Variants in GRIP1 observed in about 807,000 individuals in gnomAD.
GRIP1 encodes glutamate receptor-interacting protein 1.
Under a neutral mutation model 129.9 loss-of-function variants are expected in GRIP1, and 45 were observed. The ratio of observed to expected loss-of-function variants is 0.35; its 90% CI spans 0.27 to 0.44. The LOEUF (loss-of-function observed/expected upper bound fraction) is 0.44, where lower values mean the gene tolerates loss of function less well. GRIP1 is among the 20% of genes least tolerant of loss of function. The probability of loss-of-function intolerance (pLI) is 1.00; values close to 1 mark genes in which losing one functional copy is unlikely to be tolerated. For synonymous variants in GRIP1, 530 were observed against 520.8 expected (o/e 1.02, Z -0.24); for missense variants, 1,196 against 1,396.8 (o/e 0.86, Z 2.29).
intron 1 of GRIP1, among the ~76,000 whole-genome samples, chr12:66,812,684 T>C (rs988362972): frequency 2.0e-5 from 3 of 152,218 alleles, no homozygotes; most frequent in African/African-American, 4.8e-5. Context: ...CTCTAAGGAT[T>C]CATTTTTTTG....
At chr12:66,518,688 G>A (rs983139741) in intron 5 of GRIP1, among the ~76,000 whole-genome samples, 4 of 152,056 alleles carry the variant, frequency 2.6e-5, no homozygotes, top group Admixed American at 6.6e-5. Context: ...AAATGCACGC[G>A]TGCTGGCCTA....
intron 1 of GRIP1, among the ~76,000 whole-genome samples, chr12:66,735,637 G>A (rs2036570680): frequency 6.6e-6 from 1 of 152,098 alleles, no homozygotes; most frequent in Non-Finnish European, 1.5e-5. Flanking sequence ...AAATGGAGGT[G>A]ACAAGAGAGG....
chr12:66,439,541 C>T (rs892338800), intron 13 of GRIP1, among the ~76,000 whole-genome samples: 1 of 150,036 alleles, frequency 6.7e-6, no homozygotes, highest in African/African-American at 2.5e-5. Flanking sequence ...TGTAGTGCTG[C>T]AGGTGTGGCC....
chr12:66,710,111 G>C (rs180970659), intron 1 of GRIP1, among the ~76,000 whole-genome samples: 1 of 151,738 alleles, frequency 6.6e-6, no homozygotes, highest in Non-Finnish European at 1.5e-5. Context: ...CTTTTTTTCT[G>C]CTTTCATACT....
chr12:66,683,734 A>T (rs1043508359), upstream of GRIP1, among the ~76,000 whole-genome samples: 7 of 152,204 alleles, frequency 4.6e-5, no homozygotes, highest in Non-Finnish European at 1.0e-4. Context: ...TCCACTGAAC[A>T]TGAAGAGACC....
At chr12:66,418,445 CAACAAGTGAAAA>C (rs2137807993) in intron 15 of GRIP1, among the ~76,000 whole-genome samples, 1 of 151,956 alleles carries the variant, frequency 6.6e-6, no homozygotes, top group African/African-American at 2.4e-5. Flanking sequence ...AATGGGATCA[CAACAAGTGAAAA>C]ATCTTTTTCA....
At chr12:66,674,658 C>A (rs1317683607) in intron 1 of GRIP1, among the ~76,000 whole-genome samples, 1 of 152,128 alleles carries the variant, frequency 6.6e-6, no homozygotes, top group Non-Finnish European at 1.5e-5. Context: ...AGTTTCAGTT[C>A]TCTCTGGAAA....
chr12:66,738,044 G>A (rs1470901665), intron 1 of GRIP1, among the ~76,000 whole-genome samples: 1 of 152,054 alleles, frequency 6.6e-6, no homozygotes, highest in Non-Finnish European at 1.5e-5. Context: ...CACTTCTGGT[G>A]CCTGGGACCC....
intron 1 of GRIP1, among the ~76,000 whole-genome samples, chr12:66,636,430 C>T (rs1427641377): frequency 6.6e-6 from 1 of 152,164 alleles, no homozygotes. Context: ...TGTTTACCAA[C>T]AACCACAATG....
At chr12:66,926,287 C>G (rs939981910) in intron 1 of GRIP1, among the ~76,000 whole-genome samples, 15 of 152,160 alleles carry the variant, frequency 9.9e-5, no homozygotes, top group African/African-American at 3.4e-4. Context: ...GGAGAGATTA[C>G]TTTAAATTTT....
chr12:66,372,178 AC>A, intron 22 of GRIP1: 1 of 571,148 alleles, frequency 1.8e-6, no homozygotes. Flanking sequence ...ATCAAATACC[AC>A]CCCTGGCAGT....
intron 1 of GRIP1, among the ~76,000 whole-genome samples, chr12:66,832,184 T>A (rs2039531611): frequency 6.6e-6 from 1 of 152,220 alleles, no homozygotes; most frequent in Non-Finnish European, 1.5e-5. Flanking sequence ...ATCCTCAAGT[T>A]GTAGCCTGGT....
At chr12:66,800,310 G>T (rs757881354) in intron 1 of GRIP1, among the ~76,000 whole-genome samples, 1 of 152,048 alleles carries the variant, frequency 6.6e-6, no homozygotes, top group Non-Finnish European at 1.5e-5. Flanking sequence ...GGAGAGTCAG[G>T]AAGACCAAGA....
intron 1 of GRIP1, among the ~76,000 whole-genome samples, chr12:66,611,521 G>A (rs1311144816): frequency 6.6e-6 from 1 of 152,016 alleles, no homozygotes; most frequent in African/African-American, 2.4e-5. Context: ...TCATACTTGT[G>A]CATAATTAAG....
At chr12:66,965,660 C>G (rs12809413) in intron 1 of GRIP1, among the ~76,000 whole-genome samples, 31,733 of 150,664 alleles carry the variant, frequency 0.21, 4,036 homozygotes, top group East Asian at 0.29. Context: ...TCCACACAAG[C>G]CACTCCATGC....
Position 66,475,395 on chromosome 12 carries a change from G to A in GRIP1, c.725-9973C>T, listed in dbSNP as rs573840173. On this transcript the variant is annotated intron_variant, in intron 7 of 24. Transcript: ENST00000359742. ...AATAATAGTGGGAGACTTTAACACC[G>A]CACTGTCAACATTAGACAGATCAAT... Among the ~76,000 whole-genome samples the A allele has an allele frequency of 5.0e-4, 76 of 152,042 alleles. 1 individual carries two copies. Among genetic ancestry groups the A allele is most frequent in the African/African-American group, 1.1e-3 (46 of 41,446 alleles).
At chr12:66,358,649 A>T (rs1341858750) in intron 23 of GRIP1, among the ~76,000 whole-genome samples, 1 of 152,006 alleles carries the variant, frequency 6.6e-6, no homozygotes, top group Non-Finnish European at 1.5e-5. Context: ...GGGTTTCGCC[A>T]TGTTGGCCAG....
At chr12:66,848,208 T>TCCTTC (rs1041977865) in intron 1 of GRIP1, among the ~76,000 whole-genome samples, 88 of 152,086 alleles carry the variant, frequency 5.8e-4, no homozygotes, top group African/African-American at 2.0e-3. Flanking sequence ...TCTTCTTCCC[T>TCCTTC]CCTTCCCTTT....
intron 2 of GRIP1, among the ~76,000 whole-genome samples, chr12:66,549,558 C>T (rs965278258): frequency 2.0e-5 from 3 of 152,124 alleles, no homozygotes; most frequent in African/African-American, 7.2e-5. Flanking sequence ...TCATTTCAAG[C>T]TCTTCCTAAT....
Sources: gnomAD v4.1 joint callset for allele counts (sites outside exome capture counted in the v4.1 genomes callset) on GRCh38, gnomAD v4.1.1 for gene constraint, MANE v1.5 for transcripts, NCBI Gene and HGNC (gene_info 2026-07-23, HGNC 2026-07-21) for gene names.